NEGR1: variants seen among roughly 807,000 people sequenced by gnomAD.
The protein encoded by NEGR1 is IgLON family member 4.
A neutral mutation model predicts 40.9 loss-of-function variants in NEGR1; 10 were observed. That is an observed-to-expected ratio of 0.24 (90% confidence interval 0.15 to 0.42). The LOEUF is 0.42. Ranked by LOEUF, NEGR1 falls within the 10% of genes least tolerant of loss-of-function variation. The pLI is 1.00. For synonymous variants in NEGR1, 185 were observed against 166.8 expected (o/e 1.11, Z -0.84); for missense variants, 352 against 438.9 (o/e 0.80, Z 1.77).
intron 1 of NEGR1, among the ~76,000 whole-genome samples, chr1:72,269,556 T>C (rs1402436555): frequency 1.3e-5 from 2 of 151,766 alleles, no homozygotes; most frequent in Non-Finnish European, 3.0e-5. Context: ...ATAGCTGTAA[T>C]AAAGTTCGGA....
At chr1:72,219,123 T>C (rs973815367) in intron 1 of NEGR1, among the ~76,000 whole-genome samples, 4 of 152,058 alleles carry the variant, frequency 2.6e-5, no homozygotes, top group African/African-American at 9.7e-5. Context: ...TACACCATGA[T>C]GGCCTTGATG....
intron 4 of NEGR1, among the ~76,000 whole-genome samples, chr1:71,658,209 T>G (rs1376288861): frequency 6.6e-6 from 1 of 152,192 alleles, no homozygotes; most frequent in Non-Finnish European, 1.5e-5. Flanking sequence ...TATCACTAAA[T>G]CCAAAATACT....
At chr1:72,221,966 C>A (rs1654027897) in intron 1 of NEGR1, among the ~76,000 whole-genome samples, 1 of 151,726 alleles carries the variant, frequency 6.6e-6, no homozygotes, top group Admixed American at 6.6e-5. Context: ...AGACTCAGTC[C>A]CTAGGCCCAC....
rs1033976104 is a variant in NEGR1, at chr1:72,137,004, A to T, written c.176+145315T>A. 2.6e-5 allele frequency among the ~76,000 whole-genome samples: 4 copies of T among 152,352 alleles called. No homozygotes were observed. The East Asian group carries it at 7.7e-4, about 29-fold the overall frequency. Reference sequence around the variant, plus strand: ...ACAAACTTATGAAAAAATGCTCATCATCACTGGTCATCAGATAAATGCAAA... The same window carrying T: ...ACAAACTTATGAAAAAATGCTCATCTTCACTGGTCATCAGATAAATGCAAA... On this transcript the variant is annotated intron_variant, in intron 1 of 6. Coordinates refer to ENST00000357731, the MANE Select transcript of NEGR1 (RefSeq NM_173808.3).
chr1:71,896,808 CT>C (rs1660987545), intron 2 of NEGR1, among the ~76,000 whole-genome samples: 1 of 152,168 alleles, frequency 6.6e-6, no homozygotes, highest in Non-Finnish European at 1.5e-5. Context: ...AAAAGGCTAT[CT>C]TTCCCCCATT....
chr1:71,577,631 G>T (rs913502635), intron 6 of NEGR1, among the ~76,000 whole-genome samples: 11 of 152,050 alleles, frequency 7.2e-5, no homozygotes, highest in Non-Finnish European at 1.0e-4. Flanking sequence ...GTTATAATAG[G>T]TTCCAGATTT....
At chr1:72,075,444 A>G (rs1402363453) in intron 1 of NEGR1, among the ~76,000 whole-genome samples, 1 of 152,204 alleles carries the variant, frequency 6.6e-6, no homozygotes, top group Non-Finnish European at 1.5e-5. Context: ...AAGACTATAT[A>G]CTGGAATTAA....
intron 2 of NEGR1, among the ~76,000 whole-genome samples, chr1:71,867,894 G>C (rs1570448249): frequency 6.6e-6 from 1 of 151,950 alleles, no homozygotes; most frequent in Non-Finnish European, 1.5e-5. Flanking sequence ...TTTTATTATT[G>C]TTAGTTTTGG....
intron 6 of NEGR1, among the ~76,000 whole-genome samples, chr1:71,560,457 A>ATATATATATATATATATATATATG (rs1349475776): frequency 1.4e-5 from 2 of 143,914 alleles, no homozygotes; most frequent in African/African-American, 5.0e-5. Flanking sequence ...ATGTATATAT[A>ATATATATATATATATATATATATG]TATTTCCAAT....
At chr1:72,009,920 G>A (rs1000050577) in intron 1 of NEGR1, among the ~76,000 whole-genome samples, 2 of 151,256 alleles carry the variant, frequency 1.3e-5, no homozygotes, top group African/African-American at 2.4e-5. Flanking sequence ...TTAAATCTGG[G>A]AGGTAGAAAA....
intron 1 of NEGR1, among the ~76,000 whole-genome samples, chr1:71,984,266 T>G (rs115897924): frequency 0.012 from 1,434 of 120,148 alleles, 75 homozygotes; most frequent in African/African-American, 0.036. Context: ...AACAGAATAT[T>G]TATTCTGTTA....
At chr1:71,901,703 C>T (rs1467469899) in intron 2 of NEGR1, among the ~76,000 whole-genome samples, 3 of 138,754 alleles carry the variant, frequency 2.2e-5, no homozygotes, top group Non-Finnish European at 1.5e-5. Context: ...CGGAGTCTCA[C>T]TCTGTCACCC....
At chr1:72,176,460 T>C (rs760837908) in intron 1 of NEGR1, among the ~76,000 whole-genome samples, 1 of 152,016 alleles carries the variant, frequency 6.6e-6, no homozygotes, top group Non-Finnish European at 1.5e-5. Context: ...AAATGCAAGG[T>C]AGTCGATGAA....
At chr1:71,761,236 T>C (rs1655928349) in intron 3 of NEGR1, among the ~76,000 whole-genome samples, 1 of 152,190 alleles carries the variant, frequency 6.6e-6, no homozygotes, top group African/African-American at 2.4e-5. Context: ...GCTGTCCATA[T>C]AGTCTCTGTT....
intron 3 of NEGR1, among the ~76,000 whole-genome samples, chr1:71,704,525 A>G (rs1405589566): frequency 6.6e-6 from 1 of 151,964 alleles, no homozygotes; most frequent in Non-Finnish European, 1.5e-5. Flanking sequence ...CTACTTGTCA[A>G]TTAATTTAAC....
intron 6 of NEGR1, among the ~76,000 whole-genome samples, chr1:71,442,924 C>A (rs375717055): frequency 2.0e-5 from 3 of 152,270 alleles, no homozygotes; most frequent in South Asian, 2.1e-4. Context: ...GCTCACTTTG[C>A]CCCCTCTGTT....
At chr1:72,199,211 G>C (rs1653113683) in intron 1 of NEGR1, among the ~76,000 whole-genome samples, 1 of 150,682 alleles carries the variant, frequency 6.6e-6, no homozygotes, top group Admixed American at 6.7e-5. Flanking sequence ...CTTGGGGGCT[G>C]CATAACATGT....
intron 4 of NEGR1, among the ~76,000 whole-genome samples, chr1:71,639,395 A>C (rs558830207): frequency 6.6e-6 from 1 of 152,172 alleles, no homozygotes; most frequent in African/African-American, 2.4e-5. Flanking sequence ...GCCGTATCTC[A>C]TCACAAAGGT....
At chr1:72,275,252 G>A in intron 1 of NEGR1, 2 of 558,392 alleles carry the variant, frequency 3.6e-6, no homozygotes, top group Non-Finnish European at 6.4e-6. Context: ...GATCTTAAAA[G>A]TTATACCACA....
Sources: gnomAD v4.1 joint callset for allele counts (sites outside exome capture counted in the v4.1 genomes callset) on GRCh38, gnomAD v4.1.1 for gene constraint, MANE v1.5 for transcripts, NCBI Gene and HGNC (gene_info 2026-07-23, HGNC 2026-07-21) for gene names.